The following GABRB2 variants were observed in gnomAD, a reference collection of about 807,000 sequenced individuals.
The protein encoded by GABRB2 is gamma-aminobutyric acid type A receptor subunit beta2.
GABRB2 carries 16 observed loss-of-function variants against 54.7 expected under a neutral mutation model. The observed-to-expected ratio is 0.29, with a 90% CI of 0.20 to 0.44. The LOEUF is 0.44. Ranked by LOEUF, GABRB2 falls within the 20% of genes least tolerant of loss-of-function variation. GABRB2 has a pLI of 1.00. For missense variants in GABRB2, 355 were observed against 644.0 expected, an observed-to-expected ratio of 0.55 and a Z score of 4.86; for synonymous variants, 244 against 233.8, an observed-to-expected ratio of 1.04 and a Z score of -0.40.
Position 161,410,388 on chromosome 5 carries a change from T to TCACACACACA in GABRB2, c.541+586_541+587insTGTGTGTGTG, listed in dbSNP as rs1491564761. On this transcript the variant is annotated intron_variant, in intron 5 of 9. Coordinates refer to ENST00000393959, the MANE Select transcript of GABRB2 (RefSeq NM_001371727.1). The stretch of plus-strand genomic sequence containing the variant: ...AACAAGTCAGCACAGTAAACAGAAT[T>TCACACACACA]CTCACACACACACACACACACACAC... Among the ~76,000 whole-genome samples, 245 of 149,732 alleles carry TCACACACACA rather than the reference T, an allele frequency of 1.6e-3. 2 individuals carry two copies. The highest frequency in any genetic ancestry group is 5.7e-3 in the African/African-American group (231 of 40,558).
chr5:161,517,768 TGAAG>T (rs1759991273), intron 3 of GABRB2, among the ~76,000 whole-genome samples: 1 of 151,846 alleles, frequency 6.6e-6, no homozygotes, highest in South Asian at 2.1e-4. Flanking sequence ...AATTCTGGCA[TGAAG>T]GAAGGAAGTG....
chr5:161,313,473 A>G (rs1757935791), intron 9 of GABRB2, among the ~76,000 whole-genome samples: 1 of 152,096 alleles, frequency 6.6e-6, no homozygotes, highest in South Asian at 2.1e-4. Flanking sequence ...AGCAGCATGT[A>G]TTATCTGTAC....
At chr5:161,427,122 G>A (rs1757022409) in intron 4 of GABRB2, among the ~76,000 whole-genome samples, 2 of 152,136 alleles carry the variant, frequency 1.3e-5, no homozygotes. Flanking sequence ...TCATATTTCA[G>A]TGAAATGATA....
At chr5:161,295,327 C>G (rs1757353542) in intron 9 of GABRB2, among the ~76,000 whole-genome samples, 1 of 152,162 alleles carries the variant, frequency 6.6e-6, no homozygotes, top group African/African-American at 2.4e-5. Flanking sequence ...AAATAGATAT[C>G]ATGATTCCCA....
chr5:161,464,348 C>T (rs75010741), intron 3 of GABRB2, among the ~76,000 whole-genome samples: 9,422 of 151,936 alleles, frequency 0.062, 329 homozygotes, highest in Middle Eastern at 0.095. Context: ...TGCTCAACAC[C>T]ACTAGTCATT....
intron 4 of GABRB2, among the ~76,000 whole-genome samples, chr5:161,430,134 G>A (rs1757135067): frequency 6.6e-6 from 1 of 152,010 alleles, no homozygotes; most frequent in Admixed American, 6.6e-5. Flanking sequence ...GAAACTAAGT[G>A]ATTCACCCTA....
chr5:161,383,298 A>G (rs1290503477), intron 5 of GABRB2, among the ~76,000 whole-genome samples: 1 of 150,180 alleles, frequency 6.7e-6, no homozygotes, highest in Non-Finnish European at 1.5e-5. Flanking sequence ...TCACCATTCT[A>G]CTCTCTGTTT....
At chr5:161,373,836 T>C (rs996403082) in intron 5 of GABRB2, among the ~76,000 whole-genome samples, 1 of 152,190 alleles carries the variant, frequency 6.6e-6, no homozygotes, top group Non-Finnish European at 1.5e-5. Context: ...TAAACCACAG[T>C]GCTTCAAGTC....
intron 5 of GABRB2, among the ~76,000 whole-genome samples, chr5:161,383,235 T>C (rs1430553541): frequency 1.3e-5 from 2 of 152,138 alleles, no homozygotes; most frequent in African/African-American, 2.4e-5. Flanking sequence ...ACCTGAATGT[T>C]TGTACCCTTT....
intron 3 of GABRB2, among the ~76,000 whole-genome samples, chr5:161,465,278 A>C (rs1202202318): frequency 6.6e-6 from 1 of 152,104 alleles, no homozygotes; most frequent in Non-Finnish European, 1.5e-5. Context: ...GAGTTATGCT[A>C]CAGATTAAGT....
chr5:161,374,623 T>G (rs920079459), intron 5 of GABRB2, among the ~76,000 whole-genome samples: 17 of 152,210 alleles, frequency 1.1e-4, no homozygotes, highest in African/African-American at 4.1e-4. Flanking sequence ...TTCCTAGGCA[T>G]GCTGTTTACT....
At chr5:161,529,301 G>T (rs1438816156) in intron 3 of GABRB2, among the ~76,000 whole-genome samples, 1 of 151,914 alleles carries the variant, frequency 6.6e-6, no homozygotes, top group Non-Finnish European at 1.5e-5. Context: ...ATTTATGTGG[G>T]TTTCCCAAAA....
chr5:161,365,982 C>T (rs1754961042), intron 5 of GABRB2, among the ~76,000 whole-genome samples: 1 of 151,370 alleles, frequency 6.6e-6, no homozygotes, highest in African/African-American at 2.4e-5. Flanking sequence ...TTAGGTGAGC[C>T]TTTCACCTGC....
At chr5:161,347,595 G>A (rs1408284916) in intron 5 of GABRB2, among the ~76,000 whole-genome samples, 1 of 151,842 alleles carries the variant, frequency 6.6e-6, no homozygotes, top group Non-Finnish European at 1.5e-5. Context: ...GTATGATGAG[G>A]GCCATGTGAT....
intron 8 of GABRB2, 27 bp downstream of exon 8, chr5:161,330,856 C>G: frequency 6.2e-7 from 1 of 1,613,888 alleles, no homozygotes; most frequent in Non-Finnish European, 8.5e-7. Context: ...GTTTAAGAAG[C>G]AAGGAGGGCT....
intron 9 of GABRB2, among the ~76,000 whole-genome samples, chr5:161,298,069 T>C (rs929302471): frequency 5.3e-5 from 8 of 152,224 alleles, no homozygotes; most frequent in African/African-American, 1.9e-4. Context: ...GTTGGCCACA[T>C]AAATGTCTTC....
chr5:161,457,655 T>C (rs919536740), intron 4 of GABRB2, among the ~76,000 whole-genome samples: 3 of 151,930 alleles, frequency 2.0e-5, no homozygotes, highest in Non-Finnish European at 4.4e-5. Context: ...ACCGTGTTAG[T>C]CAGGATGGTC....
intron 3 of GABRB2, among the ~76,000 whole-genome samples, chr5:161,534,377 G>T (rs1221033085): frequency 6.6e-6 from 1 of 152,154 alleles, no homozygotes; most frequent in Non-Finnish European, 1.5e-5. Flanking sequence ...ACAAATAATT[G>T]CCCTTTCCCC....
At chr5:161,528,785 T>C (rs1002023204) in intron 3 of GABRB2, among the ~76,000 whole-genome samples, 2 of 151,888 alleles carry the variant, frequency 1.3e-5, no homozygotes, top group African/African-American at 4.8e-5. Context: ...GTTGAATATT[T>C]GATAAAGCAG....
Sources: allele counts gnomAD v4.1 joint callset (sites outside exome capture counted in the v4.1 genomes callset), GRCh38; gene constraint gnomAD v4.1.1; transcripts MANE v1.5; gene names NCBI Gene and HGNC (gene_info 2026-07-23, HGNC 2026-07-21).